TSPAN12: variants seen among roughly 807,000 people sequenced by gnomAD.
The protein encoded by TSPAN12 is tetraspanin 12, also known as tetraspanin-12.
A neutral mutation model predicts 39.2 loss-of-function variants in TSPAN12; 19 were observed. The observed-to-expected ratio is 0.49, with a 90% CI of 0.34 to 0.71. The LOEUF is 0.71. Ranked by LOEUF, TSPAN12 falls within the 30% of genes least tolerant of loss-of-function variation. TSPAN12 has a pLI of 0.01. For synonymous variants in TSPAN12, 119 were observed against 124.8 expected, an observed-to-expected ratio of 0.95 and a Z score of 0.31; for missense variants, 314 against 359.9, an observed-to-expected ratio of 0.87 and a Z score of 1.03.
At chr7:120,804,423 G>A (rs1359657965) in intron 7 of TSPAN12, among the ~76,000 whole-genome samples, 2 of 152,050 alleles carry the variant, frequency 1.3e-5, no homozygotes, top group Non-Finnish European at 2.9e-5. Context: ...TAGGTTCAGT[G>A]CCATAATCAC....
Position 120,788,639 on chromosome 7 carries a change from A to T in TSPAN12, c.871T>A (p.Ser291Thr), listed in dbSNP as rs1263159586. The change falls in exon 8 of 8, where the codon TCC (serine) becomes ACC (threonine). Residue 291 changes from serine (S) to threonine (T), a missense_variant. Ser to Thr is a moderately conservative substitution (Grantham distance 58). Coordinates refer to ENST00000222747, the MANE Select transcript of TSPAN12 (RefSeq NM_012338.4). ...TGTGTATTAAAGCTGTTTGCCATGG[A>T]TGTGTGTTCAAAGATTCTTGACAGG... ...PSLSRIFEHT[S>T]MANSFNTHFE... 6.2e-7 allele frequency: 1 copy of T among 1,614,114 alleles called. No individual in the cohort carries two copies. The highest frequency in any genetic ancestry group is 2.2e-5 in the East Asian group (1 of 44,886).
chr7:120,833,691 A>G (rs1271421547), intron 4 of TSPAN12, among the ~76,000 whole-genome samples: 1 of 152,166 alleles, frequency 6.6e-6, no homozygotes, highest in Non-Finnish European at 1.5e-5. Context: ...CTGGCAGTTG[A>G]GCATATATTT....
rs141002366 is a variant in TSPAN12 at position 120,843,486 on chromosome 7, C to T, written c.67-3377G>A. 7.0e-3 allele frequency among the ~76,000 whole-genome samples: 1,070 copies of T among 152,288 alleles called. 17 individuals carry two copies. Among genetic ancestry groups the T allele is most frequent in the African/African-American group, 0.025 (1,024 of 41,562 alleles). On this transcript the variant is annotated intron_variant, in intron 2 of 7. Coordinates refer to ENST00000222747, the MANE Select transcript of TSPAN12 (RefSeq NM_012338.4). ...GGGCTCTCCCACTTAGGGGCCACTA[C>T]ACACCTGCCCTAATCACCCCAAGGC... is the stretch of plus-strand genomic sequence containing the variant.
intron 7 of TSPAN12, among the ~76,000 whole-genome samples, chr7:120,790,618 G>C (rs1387668226): frequency 6.6e-6 from 1 of 152,216 alleles, no homozygotes; most frequent in Non-Finnish European, 1.5e-5. Flanking sequence ...TATGTCACCA[G>C]TGAGTACTTC....
At chr7:120,852,162 C>T (rs545449896) in intron 2 of TSPAN12, among the ~76,000 whole-genome samples, 39 of 152,050 alleles carry the variant, frequency 2.6e-4, no homozygotes, top group Middle Eastern at 6.8e-3. Context: ...TGAATGGGTT[C>T]CCAATGTTTT....
At chr7:120,799,474 T>G (rs1291291374) in intron 7 of TSPAN12, among the ~76,000 whole-genome samples, 1 of 115,932 alleles carries the variant, frequency 8.6e-6, no homozygotes, top group Non-Finnish European at 1.7e-5. Context: ...ACATAATTAT[T>G]TTTATAATTA....
intron 5 of TSPAN12, among the ~76,000 whole-genome samples, chr7:120,812,136 C>T (rs557890144): frequency 1.3e-5 from 2 of 152,290 alleles, no homozygotes; most frequent in African/African-American, 2.4e-5. Context: ...TCACCTAGCA[C>T]CATGTCTATT....
intron 2 of TSPAN12, among the ~76,000 whole-genome samples, chr7:120,844,821 A>C (rs568274675): frequency 3.9e-5 from 6 of 152,136 alleles, no homozygotes; most frequent in Non-Finnish European, 8.8e-5. Context: ...GGTCTGGAGG[A>C]GAGTGGCCCT....
chr7:120,788,405 T>C lies in TSPAN12; in HGVS notation c.*187A>G. ...TCAGCATTTTAAGGGCATCAATTAT[T>C]GTCCAGGTGGTGACTTATGACATGA... On this transcript the variant is annotated 3_prime_UTR_variant, in exon 8 of 8. Transcript: ENST00000222747. The C allele has an allele frequency of 1.5e-6, 1 of 666,088 alleles. No homozygotes were observed. Among genetic ancestry groups the C allele is most frequent in the Non-Finnish European group, 2.5e-6 (1 of 395,666 alleles). 41.3% of individuals were successfully genotyped at this position (666,088 alleles called of 1,614,324 possible).
chr7:120,838,555 C>T (rs909790239), intron 4 of TSPAN12, among the ~76,000 whole-genome samples: 3 of 152,182 alleles, frequency 2.0e-5, no homozygotes, highest in Admixed American at 6.5e-5. Context: ...AATGTCAACA[C>T]GTAGCTGGAG....
Position 120,799,606 on chromosome 7 carries a change from TTA to T in TSPAN12, c.612+6941_612+6942del, listed in dbSNP as rs531794521. ...TATGTAATAATATAATTATATATAA[TTA>T]TATATATAATTAAATATAATTATTA... On this transcript the variant is annotated intron_variant, in intron 7 of 7. Coordinates refer to ENST00000222747, the MANE Select transcript of TSPAN12 (RefSeq NM_012338.4). Among the ~76,000 whole-genome samples, 963 of 114,318 alleles carry T rather than the reference TTA, an allele frequency of 8.4e-3. 16 individuals carry two copies. The highest frequency in any genetic ancestry group is 0.032 in the African/African-American group (896 of 28,264). 75.0% of individuals were successfully genotyped at this position (114,318 alleles called of 152,430 possible). A position where few individuals can be genotyped will look rare whatever the true frequency, so the allele number is the denominator to read the frequency against.
chr7:120,817,436 T>A (rs1489330142), intron 4 of TSPAN12, among the ~76,000 whole-genome samples: 1 of 151,914 alleles, frequency 6.6e-6, no homozygotes, highest in African/African-American at 2.4e-5. Flanking sequence ...GAGGGTGGAA[T>A]TGAAAACCAT....
intron 7 of TSPAN12, among the ~76,000 whole-genome samples, chr7:120,792,810 T>C (rs1239097377): frequency 6.6e-6 from 1 of 152,192 alleles, no homozygotes; most frequent in African/African-American, 2.4e-5. Flanking sequence ...AGCTGTCACA[T>C]TATATTATTT....
intron 4 of TSPAN12, among the ~76,000 whole-genome samples, chr7:120,826,427 G>A (rs541001614): frequency 1.3e-5 from 2 of 152,274 alleles, no homozygotes; most frequent in East Asian, 3.9e-4. Flanking sequence ...GCTAAAGTGT[G>A]CAAGCTCAGC....
intron 2 of TSPAN12, among the ~76,000 whole-genome samples, chr7:120,852,671 A>G (rs1176099415): frequency 6.6e-6 from 1 of 152,254 alleles, no homozygotes; most frequent in East Asian, 1.9e-4. Flanking sequence ...GCAGGTGGAC[A>G]GCTAATCCCT....
At position 120,840,109 on chromosome 7, in the gene TSPAN12, A is replaced by G; in HGVS notation, c.67T>C (p.Leu23=). The G allele has an allele frequency of 1.2e-6, 2 of 1,612,558 alleles. No homozygotes were observed. ...LLYALNLLFW[L]MSISVLAVSA... is the part of the protein sequence containing the mutation. ...ACTGCCAACACACTGATGGACATTAACTGGGGAGAAAAAAGTACAAACCGG... is the reference window on the plus strand; with the variant it reads ...ACTGCCAACACACTGATGGACATTAGCTGGGGAGAAAAAAGTACAAACCGG... Residue 23 remains leucine, a splice_region_variant and synonymous_variant, in exon 3 of 8, where the codon TTA becomes CTA. Transcript: ENST00000222747.
At chr7:120,842,772 T>C (rs1455805715) in intron 2 of TSPAN12, among the ~76,000 whole-genome samples, 1 of 152,128 alleles carries the variant, frequency 6.6e-6, no homozygotes. Flanking sequence ...TAAATACAAA[T>C]GTATTTCGAT....
chr7:120,815,026 T>A (rs1794053172), intron 5 of TSPAN12, among the ~76,000 whole-genome samples: 2 of 152,202 alleles, frequency 1.3e-5, no homozygotes, highest in South Asian at 4.1e-4. Flanking sequence ...CAATCATTTG[T>A]GAATGTGAAT....
intron 7 of TSPAN12, among the ~76,000 whole-genome samples, chr7:120,791,662 A>T (rs1793525797): frequency 6.6e-6 from 1 of 152,176 alleles, no homozygotes; most frequent in Non-Finnish European, 1.5e-5. Flanking sequence ...ATCTGTGAAT[A>T]AAACAAGGCA....
Sources: allele counts gnomAD v4.1 joint callset (sites outside exome capture counted in the v4.1 genomes callset), GRCh38; gene constraint gnomAD v4.1.1; transcripts MANE v1.5; gene names NCBI Gene and HGNC (gene_info 2026-07-23, HGNC 2026-07-21).